HELB: variants seen among roughly 807,000 people sequenced by gnomAD.
HELB encodes the protein DNA helicase B, also known as DNA 5'-3' helicase B.
HELB carries 96 observed loss-of-function variants against 101.7 expected under a neutral mutation model. The observed-to-expected ratio is 0.94, with a 90% CI of 0.80 to 1.12. HELB has a LOEUF of 1.12. Ranked by LOEUF, HELB falls within the 50% of genes most tolerant of loss-of-function variation. The pLI is 0.00. For missense variants in HELB, 1,210 were observed against 1,291.9 expected (o/e 0.94, Z 0.97); for synonymous variants, 437 against 459.7 (o/e 0.95, Z 0.63).
rs1229175569 is a variant in HELB at position 66,313,489 on chromosome 12, A to C, written c.1681-497A>C. Reference sequence around the variant, plus strand: ...TCATCTATATTAAAAAATAATAAATAGTATTACATTTGTAATAAAGAATTT... The same window carrying C: ...TCATCTATATTAAAAAATAATAAATCGTATTACATTTGTAATAAAGAATTT... On this transcript the variant is annotated intron_variant, in intron 4 of 12. Coordinates refer to ENST00000247815, the MANE Select transcript of HELB (RefSeq NM_001370285.1). Among the ~76,000 whole-genome samples the C allele has an allele frequency of 3.3e-5, 5 of 152,204 alleles. No homozygotes were observed. In the East Asian group the frequency reaches 9.6e-4, roughly 29 times the overall value.
At chr12:66,317,184 G>A (rs113153050) in intron 6 of HELB, among the ~76,000 whole-genome samples, 36 of 150,922 alleles carry the variant, frequency 2.4e-4, no homozygotes, top group African/African-American at 5.6e-4. Flanking sequence ...GTGATAGAGC[G>A]CGACTCCATC....
chr12:66,304,766 A>G lies in HELB; in HGVS notation c.223A>G (p.Lys75Glu). Residue 75 changes from lysine to glutamate, a missense_variant, in exon 2 of 13, where the codon AAA (lysine) becomes GAA (glutamate). Around this residue, in one of 2 missense-constraint regions of HELB, gnomAD observed 470 missense variants for 563.1 expected, o/e 0.83. Coordinates refer to ENST00000247815, the MANE Select transcript of HELB (RefSeq NM_001370285.1). The part of the protein sequence containing the change: ...ICDENTQETC[K>E]VFGRFPITGA... ...TGATGAAAACACACAAGAGACATGT[A>G]AAGTGTTTGGACGTTTTCCGATAAC... 6.2e-7 allele frequency: 1 copy of G among 1,613,376 alleles called. No individual in the cohort carries two copies. Among genetic ancestry groups the G allele is most frequent in the Non-Finnish European group, 8.5e-7 (1 of 1,179,708 alleles).
intron 6 of HELB, among the ~76,000 whole-genome samples, chr12:66,315,615 A>T (rs1237151474): frequency 6.6e-6 from 1 of 152,198 alleles, no homozygotes; most frequent in African/African-American, 2.4e-5. Context: ...AGGTTTCCTG[A>T]TTTTAAAAGT....
Position 66,331,375 on chromosome 12 carries a change from T to G in HELB, c.2892T>G (p.Asp964Glu). 1.2e-6 allele frequency: 2 copies of G among 1,614,196 alleles called. No individual in the cohort carries two copies. Among genetic ancestry groups the G allele is most frequent in the Non-Finnish European group, 8.5e-7 (1 of 1,180,030 alleles). Residue 964 changes from aspartate to glutamate, a missense_variant, in exon 12 of 13, where the codon GAT (aspartate) becomes GAG (glutamate). This residue lies in a region of HELB where 740 missense variants were observed against 728.8 expected (regional missense o/e 1.02). Transcript: ENST00000247815. ...KLSSSGAPPADFPSPRKSSGD... is the reference protein window; with the variant it reads ...KLSSSGAPPAEFPSPRKSSGD... ...CCTCTAGCGGCGCACCTCCAGCAGA[T>G]TTTCCGTCCCCACGGAAGAGCTCTG...
intron 5 of HELB, 23 bp from the exon 6 acceptor site, chr12:66,315,219 T>G (rs1238064496): frequency 6.6e-7 from 1 of 1,522,998 alleles, no homozygotes; most frequent in African/African-American, 1.4e-5. Context: ...TAAGTCTTGC[T>G]ACTGTATCTT....
chr12:66,326,096 A>G (rs2053733915), intron 11 of HELB, among the ~76,000 whole-genome samples: 1 of 152,230 alleles, frequency 6.6e-6, no homozygotes, highest in South Asian at 2.1e-4. Flanking sequence ...GTTCTAGGAC[A>G]GCATATTGAG....
At position 66,310,300 on chromosome 12, in the gene HELB, C is replaced by T; in HGVS notation, c.1372C>T (p.Gln458Ter). The T allele has an allele frequency of 6.2e-7, 1 of 1,614,152 alleles. No homozygotes were observed. Among genetic ancestry groups the T allele is most frequent in the Non-Finnish European group, 8.5e-7 (1 of 1,180,034 alleles). ...DQVEVPLDRD[Q>*]VAALEMICSN... ...GGTTGAAGTTCCACTGGATCGGGAT[C>T]AGGTGGCTGCTTTGGAAATGATTTG... Residue 458 changes from glutamine (Q) to a stop codon, truncating the protein, a stop_gained, in exon 4 of 13, where the codon CAG becomes TAG. Coordinates refer to ENST00000247815, the MANE Select transcript of HELB (RefSeq NM_001370285.1). LOFTEE classifies it high-confidence loss of function.
Position 66,306,335 on chromosome 12 carries a change from T to A in HELB, c.608-10T>A, listed in dbSNP as rs760018824. On this transcript the variant is annotated splice_polypyrimidine_tract_variant and intron_variant, in intron 2 of 12. Coordinates refer to ENST00000247815, the MANE Select transcript of HELB (RefSeq NM_001370285.1). The stretch of plus-strand genomic sequence containing the variant: ...TATGTTTTACTTTGTTCCTTTCTGA[T>A]ATCTTGTAGTTCCATTTAGAAATGT... 4.5e-6 allele frequency: 7 copies of A among 1,548,116 alleles called. No homozygotes were observed. The highest frequency in any genetic ancestry group is 2.6e-6 in the Non-Finnish European group (3 of 1,148,394).
chr12:66,342,067 A>G (rs2053922062), downstream of HELB: 1 of 152,228 alleles, frequency 6.6e-6, no homozygotes, highest in African/African-American at 2.4e-5. Context: ...GTTATATCCA[A>G]GAAACTATTG....
At chr12:66,336,072 A>T (rs1441363718) in intron 12 of HELB, among the ~76,000 whole-genome samples, 1 of 152,222 alleles carries the variant, frequency 6.6e-6, no homozygotes, top group African/African-American at 2.4e-5. Flanking sequence ...TTCACATGGT[A>T]ATACCTCAAA....
chr12:66,302,614 C>G lies in HELB; in HGVS notation c.11C>G (p.Ser4Trp). 1 of 1,613,562 alleles carries G rather than the reference C, an allele frequency of 6.2e-7. No homozygotes were observed. Among genetic ancestry groups the G allele is most frequent in the African/African-American group, 1.3e-5 (1 of 75,042 alleles). Residue 4 changes from serine (S) to tryptophan (W), a missense_variant, in exon 1 of 13, where the codon TCG (serine) becomes TGG (tryptophan). This residue lies in a region of HELB where 470 missense variants were observed against 563.1 expected (regional missense o/e 0.83). Coordinates refer to ENST00000247815, the MANE Select transcript of HELB (RefSeq NM_001370285.1). Reference protein sequence around the residue: MARSSPYLRQLQGP... With the variant: MARWSPYLRQLQGP... ...GAGTTCAGGAGAAGCATGGCCAGGT[C>G]GAGTCCGTACCTGCGCCAACTTCAG...
At chr12:66,304,354 G>A (rs2053446408) in intron 1 of HELB, among the ~76,000 whole-genome samples, 1 of 152,206 alleles carries the variant, frequency 6.6e-6, no homozygotes, top group Non-Finnish European at 1.5e-5. Flanking sequence ...GATCAGTTAA[G>A]GCAGATGGAA....
intron 12 of HELB, among the ~76,000 whole-genome samples, chr12:66,333,031 T>C (rs1194983105): frequency 3.3e-5 from 5 of 151,998 alleles, no homozygotes; most frequent in Non-Finnish European, 5.9e-5. Context: ...ATTCAGCATT[T>C]GAAAAAAACA....
Position 66,325,087 on chromosome 12 carries a change from C to A in HELB, c.2631C>A (p.Arg877=), listed in dbSNP as rs770892234. The A allele has an allele frequency of 1.1e-5, 17 of 1,613,362 alleles. No individual in the cohort carries two copies. The highest frequency in any genetic ancestry group is 1.7e-4 in the Middle Eastern group (1 of 6,058). ...TTAAGAAACTAATGAAATATTGTCG[C>A]ATAAAACATGCATGGGCAAGAACTA... The part of the protein sequence containing the change: ...VDFKKLMKYC[R]IKHAWARTIH... The change falls in exon 11 of 13, where the codon CGC becomes CGA. Residue 877 remains arginine, a synonymous_variant. Coordinates refer to ENST00000247815, the MANE Select transcript of HELB (RefSeq NM_001370285.1).
chr12:66,325,369 G>A (rs2053724926), intron 11 of HELB, among the ~76,000 whole-genome samples: 1 of 152,080 alleles, frequency 6.6e-6, no homozygotes, highest in African/African-American at 2.4e-5. Flanking sequence ...TCCCCTCCCT[G>A]CCTGAGTCTC....
chr12:66,304,502 G>A (rs1251157235), intron 1 of HELB, among the ~76,000 whole-genome samples: 1 of 152,178 alleles, frequency 6.6e-6, no homozygotes, highest in Non-Finnish European at 1.5e-5. Context: ...TTGCGTTTTG[G>A]AATACAAAGA....
rs2053806803 is a variant in HELB, at chr12:66,331,455, A to G, written c.2972A>G (p.Asp991Gly). Residue 991 changes from aspartate (D) to glycine (G), a missense_variant, in exon 12 of 13, where the codon GAC becomes GGC. Around this residue, in one of 2 missense-constraint regions of HELB, gnomAD observed 740 missense variants for 728.8 expected, o/e 1.02. Coordinates refer to ENST00000247815, the MANE Select transcript of HELB (RefSeq NM_001370285.1). ...GCATCTCCACTCCCTGTAGTCACAG[A>G]CCACGCCATGACAAATGATGTCACC... ...PSASPLPVVT[D>G]HAMTNDVTWS... 5 of 1,614,138 alleles carry G rather than the reference A, an allele frequency of 3.1e-6. No homozygotes were observed. The South Asian group carries it at 5.5e-5, about 18-fold the overall frequency.
At chr12:66,336,781 G>A (rs2053870450) in intron 12 of HELB, among the ~76,000 whole-genome samples, 1 of 152,140 alleles carries the variant, frequency 6.6e-6, no homozygotes, top group African/African-American at 2.4e-5. Context: ...GAACTGGCAG[G>A]GAGGATGGAC....
chr12:66,304,721 T>C lies in HELB; in HGVS notation c.188-10T>C, dbSNP rs749671534. ...TTAACTTTTGTGGGTTTTTGTTTGT[T>C]TTTTTTTAGTTTCTATTTGTGATGA... On this transcript the variant is annotated splice_polypyrimidine_tract_variant and intron_variant, in intron 1 of 12. Coordinates refer to ENST00000247815, the MANE Select transcript of HELB (RefSeq NM_001370285.1). 2 of 1,562,350 alleles carry C rather than the reference T, an allele frequency of 1.3e-6. No individual in the cohort carries two copies. The highest frequency in any genetic ancestry group is 2.4e-5 in the South Asian group (2 of 84,358).
Sources: allele counts gnomAD v4.1 joint callset (sites outside exome capture counted in the v4.1 genomes callset), GRCh38; gene constraint gnomAD v4.1.1; regional missense constraint gnomAD v4.1.1; transcripts MANE v1.5; gene names NCBI Gene and HGNC (gene_info 2026-07-23, HGNC 2026-07-21).